The following TMEM273 variants were observed in gnomAD, a reference collection of about 807,000 sequenced individuals.
TMEM273 encodes the protein transmembrane protein 273.
TMEM273 carries 19 observed loss-of-function variants against 17.9 expected under a neutral mutation model. The observed-to-expected ratio is 1.06, with a 90% CI of 0.74 to 1.55. The LOEUF (loss-of-function observed/expected upper bound fraction) is 1.55. Among genes scored for constraint, TMEM273 ranks in the 40% most tolerant of loss-of-function variants. The probability of loss-of-function intolerance (pLI) is 0.00; values close to 1 mark genes in which losing one functional copy is unlikely to be tolerated. For missense variants in TMEM273, 194 were observed against 155.6 expected (o/e 1.25, Z -1.31); for synonymous variants, 66 against 62.0 (o/e 1.07, Z -0.31).
At position 49,158,687 on chromosome 10, in the gene TMEM273, C is replaced by T. The variant is rs563484519; in HGVS notation, c.373-2778G>A. On this transcript the variant is annotated intron_variant, in intron 6 of 6. Coordinates refer to ENST00000374153, the MANE Select transcript of TMEM273 (RefSeq NM_001288740.3). Reference sequence around the variant, plus strand: ...ATGGAGAATAAAGCCTAGAAATACCCTAGTACGCACAGAAATTTAGAACAT... The same window carrying T: ...ATGGAGAATAAAGCCTAGAAATACCTTAGTACGCACAGAAATTTAGAACAT... Among the ~76,000 whole-genome samples the T allele has an allele frequency of 1.4e-3, 213 of 152,254 alleles. 1 individual carries two copies. The highest frequency in any genetic ancestry group is 4.6e-3 in the African/African-American group (192 of 41,530).
intron 3 of TMEM273, among the ~76,000 whole-genome samples, 174 bp from the exon 4 acceptor site, chr10:49,165,970 A>T (rs1235984776): frequency 6.6e-6 from 1 of 152,084 alleles, no homozygotes. Context: ...ATTTGTGGGG[A>T]TACACAAGGA....
At chr10:49,185,702 G>T (rs1847621226) in intron 1 of TMEM273, among the ~76,000 whole-genome samples, 1 of 152,118 alleles carries the variant, frequency 6.6e-6, no homozygotes, top group Non-Finnish European at 1.5e-5. Context: ...AGGATAGCCG[G>T]GCACGGTGGC....
At chr10:49,178,368 C>T in intron 1 of TMEM273, 1 of 450,692 alleles carries the variant, frequency 2.2e-6, no homozygotes, top group Non-Finnish European at 4.5e-6. Flanking sequence ...AATTACTGAG[C>T]AGGTTCTAGA....
chr10:49,173,916 T>C (rs1406658131), intron 1 of TMEM273, among the ~76,000 whole-genome samples: 2 of 152,144 alleles, frequency 1.3e-5, no homozygotes, highest in African/African-American at 4.8e-5. Context: ...CTGTAGTGGC[T>C]CCATCTTCCA....
At chr10:49,173,186 G>T (rs7905715) in intron 1 of TMEM273, among the ~76,000 whole-genome samples, 22,644 of 152,280 alleles carry the variant, frequency 0.15, 2,023 homozygotes, top group Non-Finnish European at 0.21. Flanking sequence ...TCTGAATCCA[G>T]CTGTGCCCGA....
chr10:49,161,417 T>TCC, intron 6 of TMEM273, 182 bp downstream of exon 6: 1 of 695,228 alleles, frequency 1.4e-6, no homozygotes, highest in South Asian at 1.8e-5. Flanking sequence ...TACCATCATG[T>TCC]CCCAAGGTGA....
Position 49,165,205 on chromosome 10 carries a change from C to T in TMEM273, c.348G>A (p.Lys116=). 1 of 1,549,190 alleles carries T rather than the reference C, an allele frequency of 6.5e-7. No homozygotes were observed. Among genetic ancestry groups the T allele is most frequent in the Non-Finnish European group, 8.7e-7 (1 of 1,146,564 alleles). ...CHHCIMEGLF[K]AKPQFLQKRC... ...GGCTGGAGTCGAGAGGGGATTGTACCTTAAATAGGCCCTCCATGATGCAGT... is the reference window on the plus strand; with the variant it reads ...GGCTGGAGTCGAGAGGGGATTGTACTTTAAATAGGCCCTCCATGATGCAGT... The change falls in exon 5 of 7, where the codon AAG becomes AAA. Residue 116 remains lysine, a splice_region_variant and synonymous_variant. Coordinates refer to ENST00000374153, the MANE Select transcript of TMEM273 (RefSeq NM_001288740.3).
At chr10:49,188,223 G>C in intron 1 of TMEM273, 71 bp downstream of exon 1, 1 of 1,560,474 alleles carries the variant, frequency 6.4e-7, no homozygotes, top group African/African-American at 1.4e-5. Flanking sequence ...AGCCCCAGTG[G>C]GCTAAGGCTC....
At chr10:49,165,957 C>T (rs1486027294) in intron 3 of TMEM273, among the ~76,000 whole-genome samples, 161 bp from the exon 4 acceptor site, 1 of 152,172 alleles carries the variant, frequency 6.6e-6, no homozygotes, top group Non-Finnish European at 1.5e-5. Context: ...GTTTCCTCCC[C>T]TTATTTGTGG....
intron 1 of TMEM273, among the ~76,000 whole-genome samples, chr10:49,187,897 G>A (rs1291081298): frequency 1.3e-5 from 2 of 152,104 alleles, no homozygotes; most frequent in African/African-American, 4.8e-5. Flanking sequence ...ATTTTGATTT[G>A]ACTTAATTAA....
chr10:49,157,214 T>C (rs1845565610), intron 6 of TMEM273, among the ~76,000 whole-genome samples: 1 of 152,252 alleles, frequency 6.6e-6, no homozygotes, highest in Non-Finnish European at 1.5e-5. Flanking sequence ...GGGGCACTGC[T>C]GAGCTACCTT....
intron 1 of TMEM273, among the ~76,000 whole-genome samples, chr10:49,187,743 T>C (rs924456452): frequency 2.6e-5 from 4 of 152,212 alleles, no homozygotes; most frequent in African/African-American, 9.7e-5. Context: ...TTCTTCCTTC[T>C]TTCAAGGAAT....
chr10:49,155,795 G>A lies in TMEM273; in HGVS notation c.*97C>T. ...CAGTCCATGTGAAAGTTCATTACCAGCCTTGGGTGTTTGAATGCAGAACAT... is the reference window on the plus strand; with the variant it reads ...CAGTCCATGTGAAAGTTCATTACCAACCTTGGGTGTTTGAATGCAGAACAT... On this transcript the variant is annotated 3_prime_UTR_variant, in exon 7 of 7. Transcript: ENST00000374153. The A allele has an allele frequency of 1.9e-6, 3 of 1,579,924 alleles. No individual in the cohort carries two copies. The highest frequency in any genetic ancestry group is 2.2e-5 in the South Asian group (2 of 89,258).
At chr10:49,183,252 C>G (rs561549310) in intron 1 of TMEM273, among the ~76,000 whole-genome samples, 4 of 151,932 alleles carry the variant, frequency 2.6e-5, no homozygotes, top group Non-Finnish European at 5.9e-5. Flanking sequence ...GATGATTGTA[C>G]TGTGGTATAT....
In TMEM273 at chr10:49,165,233, T is replaced by C; in HGVS notation, c.320A>G (p.His107Arg). The C allele has an allele frequency of 6.4e-7, 1 of 1,550,454 alleles. No homozygotes were observed. Among genetic ancestry groups the C allele is most frequent in the East Asian group, 2.4e-5 (1 of 40,906 alleles). The change falls in exon 5 of 7, where the codon CAC (histidine) becomes CGC (arginine). Residue 107 changes from histidine (H) to arginine (R), a missense_variant. Coordinates refer to ENST00000374153, the MANE Select transcript of TMEM273 (RefSeq NM_001288740.3). The part of the protein sequence containing the change: ...LFSFKSLLQC[H>R]HCIMEGLFKA... ...AAATAGGCCCTCCATGATGCAGTGG[T>C]GACACTGAAGCAGGGATTTGAAGGA...
chr10:49,175,001 G>A (rs772135927), intron 1 of TMEM273, among the ~76,000 whole-genome samples: 41 of 152,056 alleles, frequency 2.7e-4, no homozygotes, highest in Admixed American at 4.6e-4. Flanking sequence ...AAGCTCCCCC[G>A]GAGAGATCAT....
At chr10:49,176,568 G>A (rs1057040780) in intron 1 of TMEM273, among the ~76,000 whole-genome samples, 2 of 152,246 alleles carry the variant, frequency 1.3e-5, no homozygotes, top group Non-Finnish European at 1.5e-5. Flanking sequence ...TAACCGCTAA[G>A]TGGTGGGGTT....
rs548785991 is a variant in TMEM273 at position 49,167,905 on chromosome 10, G to C, written c.97+4C>G. 2.0e-5 allele frequency: 33 copies of C among 1,613,944 alleles called. No individual in the cohort carries two copies. Among genetic ancestry groups the C allele is most frequent in the Middle Eastern group, 1.6e-4 (1 of 6,062 alleles). Reference sequence around the variant, plus strand: ...TGCACAGAATAACATGGGCAGCCACGTACCAATTTCAGCCCCAGGGGTCTT... The same window carrying C: ...TGCACAGAATAACATGGGCAGCCACCTACCAATTTCAGCCCCAGGGGTCTT... On this transcript the variant is annotated splice_donor_region_variant and intron_variant, in intron 2 of 6. Transcript: ENST00000374153.
At chr10:49,160,969 T>C (rs1386474046) in intron 6 of TMEM273, 1 of 152,502 alleles carries the variant, frequency 6.6e-6, no homozygotes, top group Non-Finnish European at 1.5e-5. Context: ...GAGCAAATTC[T>C]CAGTGGGTTT....
Sources: gnomAD v4.1 joint callset for allele counts (sites outside exome capture counted in the v4.1 genomes callset) on GRCh38, gnomAD v4.1.1 for gene constraint, MANE v1.5 for transcripts, NCBI Gene and HGNC (gene_info 2026-07-23, HGNC 2026-07-21) for gene names.